AGBL4: variants seen among roughly 807,000 people sequenced by gnomAD.
AGBL4 encodes the protein cytosolic carboxypeptidase 6.
AGBL4 carries 58 observed loss-of-function variants against 66.4 expected under a neutral mutation model. That is an observed-to-expected ratio of 0.87 (90% CI 0.71 to 1.09). The LOEUF is 1.09. Among genes scored for constraint, AGBL4 ranks in the 50% least tolerant of loss-of-function variants. AGBL4 has a pLI of 0.00. For missense variants in AGBL4, 579 were observed against 631.0 expected (o/e 0.92, Z 0.88); for synonymous variants, 234 against 222.9 (o/e 1.05, Z -0.44).
At chr1:49,554,219 T>C (rs970937385) in intron 3 of AGBL4, among the ~76,000 whole-genome samples, 3 of 152,130 alleles carry the variant, frequency 2.0e-5, no homozygotes, top group African/African-American at 7.2e-5. Context: ...AAGTCCATGG[T>C]CTTTCTAATT....
At chr1:49,153,594 C>A (rs1040964035) in intron 4 of AGBL4, among the ~76,000 whole-genome samples, 3 of 151,894 alleles carry the variant, frequency 2.0e-5, no homozygotes, top group Non-Finnish European at 4.4e-5. Context: ...GTAGCAAAAC[C>A]CTTCTCAACA....
chr1:49,118,228 C>G (rs2148036836), intron 4 of AGBL4, among the ~76,000 whole-genome samples: 1 of 152,238 alleles, frequency 6.6e-6, no homozygotes, highest in African/African-American at 2.4e-5. Flanking sequence ...TGCCTGATTG[C>G]CCTGGAGAGA....
chr1:49,617,141 A>G (rs896968850), intron 3 of AGBL4, among the ~76,000 whole-genome samples: 1 of 152,058 alleles, frequency 6.6e-6, no homozygotes, highest in Non-Finnish European at 1.5e-5. Flanking sequence ...CTTTAGCCTC[A>G]TCTTCCATTA....
intron 6 of AGBL4, among the ~76,000 whole-genome samples, chr1:48,753,830 C>T (rs1303065512): frequency 6.6e-6 from 1 of 152,196 alleles, no homozygotes; most frequent in Non-Finnish European, 1.5e-5. Context: ...ACTGTTATTA[C>T]TCTAGTTATC....
intron 3 of AGBL4, among the ~76,000 whole-genome samples, chr1:49,578,398 C>T (rs572889046): frequency 6.6e-6 from 1 of 152,290 alleles, no homozygotes; most frequent in East Asian, 1.9e-4. Flanking sequence ...GTTTTGGTCA[C>T]TCCACCAGGA....
At chr1:49,574,507 A>C (rs1644396596) in intron 3 of AGBL4, among the ~76,000 whole-genome samples, 1 of 152,180 alleles carries the variant, frequency 6.6e-6, no homozygotes, top group African/African-American at 2.4e-5. Flanking sequence ...AGACCTACTC[A>C]TTCCAGCTGA....
the AGBL4 span, among the ~76,000 whole-genome samples, chr1:48,524,376 C>T: frequency 6.6e-6 from 1 of 152,106 alleles, no homozygotes; most frequent in Admixed American, 6.6e-5. Context: ...CACCTAAACA[C>T]AAGATCACCT....
intron 3 of AGBL4, chr1:49,527,314 A>T (rs578163693): frequency 2.6e-5 from 4 of 152,220 alleles, no homozygotes; most frequent in Admixed American, 6.5e-5. Flanking sequence ...CCAGTCATCA[A>T]GCCCATGAAC....
At chr1:49,091,563 T>A (rs1371314369) in intron 4 of AGBL4, among the ~76,000 whole-genome samples, 1 of 151,946 alleles carries the variant, frequency 6.6e-6, no homozygotes, top group African/African-American at 2.4e-5. Context: ...GAAAGGGAAA[T>A]CCTTATACAC....
intron 3 of AGBL4, among the ~76,000 whole-genome samples, chr1:49,500,155 T>A (rs1371710109): frequency 6.6e-6 from 1 of 152,128 alleles, no homozygotes; most frequent in Non-Finnish European, 1.5e-5. Context: ...CATATGTTTG[T>A]TAGCCATTTG....
rs72459142 is a variant in AGBL4, at chr1:48,846,362, GAAGAAAGAAAGAAAGAAAGA to G, written c.634+20809_634+20828del. 7.3e-4 allele frequency among the ~76,000 whole-genome samples: 87 copies of G among 118,688 alleles called. 1 individual carries two copies. Among genetic ancestry groups the G allele is most frequent in the African/African-American group, 2.2e-3 (72 of 32,182 alleles). 77.9% of individuals were successfully genotyped at this position (118,688 alleles called of 152,430 possible). On this transcript the variant is annotated intron_variant, in intron 6 of 13. Transcript: ENST00000371839. ...AAAAAGAAAAGAAAGGAGAAAGAAAGAAGAAAGAAAGAAAGAAAGAAAGAAAGAAAGAAAGAAAGAAAGAA... is the reference window on the plus strand; with the variant it reads ...AAAAAGAAAAGAAAGGAGAAAGAAAGAAGAAAGAAAGAAAGAAAGAAAGAA...
intron 6 of AGBL4, chr1:48,761,108 C>T (rs1417399330): frequency 4.0e-6 from 2 of 497,052 alleles, no homozygotes; most frequent in Admixed American, 6.7e-5. Context: ...ACAGACTGTG[C>T]AAACAGGACC....
At chr1:49,585,006 T>C (rs1405209603) in intron 3 of AGBL4, among the ~76,000 whole-genome samples, 2 of 152,216 alleles carry the variant, frequency 1.3e-5, no homozygotes, top group African/African-American at 4.8e-5. Context: ...CAATCTCTGG[T>C]TTATCTAAAC....
At chr1:48,828,578 G>A (rs1196876519) in intron 6 of AGBL4, among the ~76,000 whole-genome samples, 1 of 151,898 alleles carries the variant, frequency 6.6e-6, no homozygotes, top group African/African-American at 2.4e-5. Context: ...TTTTTTCTTG[G>A]TTATGTACTG....
intron 3 of AGBL4, among the ~76,000 whole-genome samples, chr1:49,268,504 C>G (rs903259066): frequency 6.6e-6 from 1 of 150,868 alleles, no homozygotes; most frequent in South Asian, 2.1e-4. Context: ...GTGATCATGG[C>G]TCATGCAGCT....
Position 48,990,580 on chromosome 1 carries a change from G to C in AGBL4, c.594+55004C>G, listed in dbSNP as rs570967752. ...ATTTTTTTGTATATGGTGAGAGATA[G>C]GAGTCTAGTTTCATTCTTCTGCATA... On this transcript the variant is annotated intron_variant, in intron 5 of 13. Transcript: ENST00000371839. 2.0e-5 allele frequency among the ~76,000 whole-genome samples: 3 copies of C among 152,184 alleles called. No homozygotes were observed. In the South Asian group the frequency reaches 6.2e-4, roughly 32 times the overall value.
chr1:49,187,361 G>A (rs1245998023), intron 4 of AGBL4: 2 of 152,130 alleles, frequency 1.3e-5, no homozygotes, highest in South Asian at 2.1e-4. Flanking sequence ...CTGCACTGTT[G>A]TAAGAATGAA....
intron 2 of AGBL4, among the ~76,000 whole-genome samples, chr1:49,701,852 T>C (rs1463161369): frequency 6.6e-6 from 1 of 152,050 alleles, no homozygotes; most frequent in Non-Finnish European, 1.5e-5. Flanking sequence ...TGAAATGGCA[T>C]TTGTCGTTTT....
At chr1:49,341,414 C>T (rs1016154249) in intron 3 of AGBL4, among the ~76,000 whole-genome samples, 2 of 151,988 alleles carry the variant, frequency 1.3e-5, no homozygotes, top group Non-Finnish European at 2.9e-5. Context: ...GTTAAAGTCC[C>T]TCCTAAGACA....
Sources: allele counts gnomAD v4.1 joint callset (sites outside exome capture counted in the v4.1 genomes callset), GRCh38; gene constraint gnomAD v4.1.1; transcripts MANE v1.5; gene names NCBI Gene and HGNC (gene_info 2026-07-23, HGNC 2026-07-21).